Variants in FOXP1 observed in about 807,000 individuals in gnomAD.
FOXP1 encodes forkhead box P1, also known as forkhead box protein P1.
FOXP1 carries 15 observed loss-of-function variants against 98.2 expected under a neutral mutation model. That is an observed-to-expected ratio of 0.15 (90% CI 0.10 to 0.24). The LOEUF is 0.24. Ranked by LOEUF, FOXP1 falls within the 10% of genes least tolerant of loss-of-function variation. The pLI is 1.00. For missense variants in FOXP1, 633 were observed against 848.5 expected, an observed-to-expected ratio of 0.75 and a Z score of 3.15; for synonymous variants, 371 against 314.5, an observed-to-expected ratio of 1.18 and a Z score of -1.90.
chr3:71,564,346 A>G (rs1339212410), intron 2 of FOXP1, among the ~76,000 whole-genome samples: 2 of 152,266 alleles, frequency 1.3e-5, no homozygotes. Context: ...TAACATATAT[A>G]AAGCTCCTGT....
chr3:71,524,193 G>A (rs1368137479), intron 2 of FOXP1, among the ~76,000 whole-genome samples: 9 of 151,910 alleles, frequency 5.9e-5, no homozygotes, highest in African/African-American at 9.7e-5. Flanking sequence ...GGCAAAACCC[G>A]TCTCTAGTAA....
intron 2 of FOXP1, among the ~76,000 whole-genome samples, chr3:71,539,942 A>G (rs1292458989): frequency 6.6e-6 from 1 of 152,220 alleles, no homozygotes; most frequent in African/African-American, 2.4e-5. Context: ...TGTCTTGCTT[A>G]TCCTGCACAC....
rs1324194766 is a variant in FOXP1, at chr3:71,337,305, G to C, written c.-73+21845C>G. Among the ~76,000 whole-genome samples the C allele has an allele frequency of 1.3e-5, 2 of 152,106 alleles. 1 individual carries two copies. Among genetic ancestry groups the C allele is most frequent in the South Asian group, 4.1e-4 (2 of 4,828 alleles). ...TATATGAATGCAACTTAATACAGTAGCCACATATGGCTATTAAAACGGAAA... is the reference window on the plus strand; with the variant it reads ...TATATGAATGCAACTTAATACAGTACCCACATATGGCTATTAAAACGGAAA... On this transcript the variant is annotated intron_variant, in intron 4 of 20. Transcript: ENST00000649528.
intron 3 of FOXP1, among the ~76,000 whole-genome samples, chr3:71,434,707 G>A (rs180851114): frequency 2.1e-4 from 32 of 151,092 alleles, no homozygotes; most frequent in Admixed American, 5.3e-4. Flanking sequence ...GACTTAAATG[G>A]TGTAGAGTAG....
At chr3:71,438,251 G>T (rs2085559117) in intron 3 of FOXP1, among the ~76,000 whole-genome samples, 1 of 152,190 alleles carries the variant, frequency 6.6e-6, no homozygotes. Flanking sequence ...ATTTCTGAAT[G>T]AATGAATGAA....
intron 11 of FOXP1, among the ~76,000 whole-genome samples, chr3:71,018,242 T>C (rs1270014893): frequency 6.6e-6 from 1 of 152,126 alleles, no homozygotes; most frequent in Non-Finnish European, 1.5e-5. Flanking sequence ...TTACTTTTAG[T>C]TCAACTTGTT....
chr3:71,572,478 C>T (rs971924799), intron 2 of FOXP1: 1 of 145,106 alleles, frequency 6.9e-6, no homozygotes, highest in African/African-American at 2.6e-5. Flanking sequence ...GCTATAGCTA[C>T]ATGTATCCAC....
At chr3:71,055,958 GAGTT>G (rs987785985) in intron 7 of FOXP1, among the ~76,000 whole-genome samples, 2 of 152,166 alleles carry the variant, frequency 1.3e-5, no homozygotes, top group African/African-American at 4.8e-5. Context: ...GAACTTAACA[GAGTT>G]AGAGCAGAAA....
At chr3:71,064,118 A>T (rs2051986942) in intron 7 of FOXP1, among the ~76,000 whole-genome samples, 1 of 152,172 alleles carries the variant, frequency 6.6e-6, no homozygotes. Flanking sequence ...AATGCAACAG[A>T]GGCTTAGAAT....
intron 3 of FOXP1, among the ~76,000 whole-genome samples, chr3:71,488,123 T>C (rs950934939): frequency 1.3e-5 from 2 of 152,208 alleles, no homozygotes; most frequent in Non-Finnish European, 2.9e-5. Flanking sequence ...CTAATATATA[T>C]GAAGTAACAT....
At chr3:71,200,868 A>G (rs2063631050) in intron 5 of FOXP1, among the ~76,000 whole-genome samples, 1 of 152,228 alleles carries the variant, frequency 6.6e-6, no homozygotes, top group South Asian at 2.1e-4. Context: ...AACCAAATGG[A>G]AAAATTAAAA....
chr3:71,229,331 TAATCATTAAC>T (rs910869389), intron 5 of FOXP1, among the ~76,000 whole-genome samples: 24 of 152,314 alleles, frequency 1.6e-4, no homozygotes, highest in African/African-American at 5.8e-4. Flanking sequence ...AAAAATAGCC[TAATCATTAAC>T]ACAGAAATCA....
intron 7 of FOXP1, among the ~76,000 whole-genome samples, chr3:71,059,499 G>A (rs991261836): frequency 1.3e-5 from 2 of 152,032 alleles, no homozygotes; most frequent in African/African-American, 2.4e-5. Flanking sequence ...AAATTAAATC[G>A]CTTCTCCCAT....
At chr3:71,228,723 C>G (rs758185222) in intron 5 of FOXP1, among the ~76,000 whole-genome samples, 4 of 152,170 alleles carry the variant, frequency 2.6e-5, no homozygotes, top group Non-Finnish European at 5.9e-5. Context: ...GAAGATTACA[C>G]TCTATGACAC....
At chr3:71,357,940 A>AT (rs1177057890) in intron 4 of FOXP1, among the ~76,000 whole-genome samples, 6 of 152,094 alleles carry the variant, frequency 3.9e-5, no homozygotes, top group Admixed American at 3.9e-4. Flanking sequence ...TGACACTACA[A>AT]TTTTCTCTGA....
chr3:71,189,026 GCTTCCTGC>G (rs1161275628), intron 6 of FOXP1, among the ~76,000 whole-genome samples: 3 of 152,172 alleles, frequency 2.0e-5, no homozygotes, highest in Admixed American at 1.3e-4. Context: ...AACAGAGCTT[GCTTCCTGC>G]CTTCCCTCTC....
chr3:71,575,931 T>A (rs368840772), intron 2 of FOXP1, among the ~76,000 whole-genome samples: 1 of 152,312 alleles, frequency 6.6e-6, no homozygotes, highest in African/African-American at 2.4e-5. Flanking sequence ...GTAAACAAAG[T>A]GAATCACAAA....
At chr3:71,522,390 T>C (rs986956519) in intron 2 of FOXP1, among the ~76,000 whole-genome samples, 2 of 152,058 alleles carry the variant, frequency 1.3e-5, no homozygotes, top group African/African-American at 2.4e-5. Flanking sequence ...CAAGAGAAGA[T>C]AGGAAATTGG....
At chr3:71,362,284 G>T (rs891416456) in intron 3 of FOXP1, among the ~76,000 whole-genome samples, 1 of 152,108 alleles carries the variant, frequency 6.6e-6, no homozygotes. Flanking sequence ...CAATTCTTCT[G>T]CCTCAGCCTC....
Sources: gnomAD v4.1 joint callset for allele counts (sites outside exome capture counted in the v4.1 genomes callset) on GRCh38, gnomAD v4.1.1 for gene constraint, MANE v1.5 for transcripts, NCBI Gene and HGNC (gene_info 2026-07-23, HGNC 2026-07-21) for gene names.